The following LRP1B variants were observed in gnomAD, a reference collection of about 807,000 sequenced individuals.
LRP1B encodes the protein low-density lipoprotein receptor-related protein 1B.
LRP1B carries 217 observed loss-of-function variants against 556.6 expected under a neutral mutation model. The ratio of observed to expected loss-of-function variants is 0.39; its 90% confidence interval spans 0.35 to 0.44. LRP1B has a LOEUF of 0.44. LRP1B is among the 20% of genes least tolerant of loss of function. LRP1B has a pLI of 1.00. For missense variants in LRP1B, 5,053 were observed against 5,620.8 expected (o/e 0.90, Z 3.23); for synonymous variants, 2,047 against 1,865.8 (o/e 1.10, Z -2.50).
chr2:141,748,536 A>G (rs1248638286), intron 2 of LRP1B, among the ~76,000 whole-genome samples: 1 of 152,180 alleles, frequency 6.6e-6, no homozygotes. Flanking sequence ...ACAGCCAGAT[A>G]TAGATGGTCT....
intron 11 of LRP1B, among the ~76,000 whole-genome samples, chr2:141,023,740 A>G (rs1449916919): frequency 1.3e-5 from 2 of 152,014 alleles, no homozygotes; most frequent in Non-Finnish European, 2.9e-5. Context: ...AATGATCCAT[A>G]GATCTTGATG....
intron 25 of LRP1B, among the ~76,000 whole-genome samples, chr2:140,879,387 A>G (rs1693404720): frequency 6.6e-6 from 1 of 152,154 alleles, no homozygotes; most frequent in Non-Finnish European, 1.5e-5. Context: ...TGATCCCTTC[A>G]TTTCTTCATT....
At chr2:141,743,978 TATTTCA>T (rs1693819798) in intron 2 of LRP1B, among the ~76,000 whole-genome samples, 1 of 151,862 alleles carries the variant, frequency 6.6e-6, no homozygotes, top group African/African-American at 2.4e-5. Flanking sequence ...TATATTGTTT[TATTTCA>T]ATTTCATTTA....
intron 8 of LRP1B, among the ~76,000 whole-genome samples, chr2:141,061,503 G>C (rs969569315): frequency 2.6e-5 from 4 of 151,750 alleles, no homozygotes; most frequent in Non-Finnish European, 5.9e-5. Context: ...ATTCAGCAAA[G>C]TAAAAAGTAA....
intron 43 of LRP1B, among the ~76,000 whole-genome samples, chr2:140,555,046 C>T (rs1192407320): frequency 6.6e-6 from 1 of 151,822 alleles, no homozygotes; most frequent in South Asian, 2.1e-4. Flanking sequence ...ATAAATATTT[C>T]AATGATTTTA....
chr2:141,485,984 G>T (rs908267738), intron 2 of LRP1B, among the ~76,000 whole-genome samples: 3 of 152,108 alleles, frequency 2.0e-5, no homozygotes, highest in Non-Finnish European at 4.4e-5. Flanking sequence ...GGGGCGAGGT[G>T]ACCAGGTAGT....
At chr2:142,055,846 A>G (rs1231307923) in intron 1 of LRP1B, among the ~76,000 whole-genome samples, 2 of 152,016 alleles carry the variant, frequency 1.3e-5, no homozygotes, top group Admixed American at 6.6e-5. Context: ...CTATTTCTCT[A>G]TTTTTCAGAA....
At chr2:141,530,726 G>C (rs962304875) in intron 2 of LRP1B, among the ~76,000 whole-genome samples, 2 of 152,080 alleles carry the variant, frequency 1.3e-5, no homozygotes, top group Non-Finnish European at 2.9e-5. Context: ...CATCTGAATT[G>C]ATGCCCAAAA....
rs757383865 is a variant in LRP1B, at chr2:140,520,798, G to GA, written c.8027-3788dup. ...TTTGAAATCTAACACTAAGAAAACA[G>GA]AAAAAAAAAAAAAAAAGAAAATTCA... On this transcript the variant is annotated intron_variant, in intron 49 of 90. Coordinates refer to ENST00000389484, the MANE Select transcript of LRP1B (RefSeq NM_018557.3). Among the ~76,000 whole-genome samples, 753 of 86,436 alleles carry GA rather than the reference G, an allele frequency of 8.7e-3. 21 individuals carry two copies. The highest frequency in any genetic ancestry group is 0.027 in the Middle Eastern group (2 of 74). The allele number at this position is 86,436 out of a possible 152,430, so 56.7% of individuals were successfully genotyped here. A position where few individuals can be genotyped will look rare whatever the true frequency, so the allele number is the denominator to read the frequency against.
In LRP1B at chr2:140,444,322, T is replaced by C; in HGVS notation, c.10294+8A>G. On this transcript the variant is annotated splice_region_variant and intron_variant, in intron 65 of 90. Coordinates refer to ENST00000389484, the MANE Select transcript of LRP1B (RefSeq NM_018557.3). ...TAAGACAAGACAGAGTATTTTGAGG[T>C]GACTTACGACAGTCTCTTTCATCTT... 1 of 1,613,746 alleles carries C rather than the reference T, an allele frequency of 6.2e-7. No homozygotes were observed. The highest frequency in any genetic ancestry group is 1.7e-4 in the Middle Eastern group (1 of 6,050).
intron 5 of LRP1B, among the ~76,000 whole-genome samples, chr2:141,236,112 A>C (rs1683639111): frequency 6.6e-6 from 1 of 152,104 alleles, no homozygotes; most frequent in African/African-American, 2.4e-5. Flanking sequence ...AGGAAGTATA[A>C]ATTTCCCACT....
chr2:141,117,047 T>G (rs971434244), intron 7 of LRP1B, among the ~76,000 whole-genome samples: 4 of 152,074 alleles, frequency 2.6e-5, no homozygotes, highest in Admixed American at 2.0e-4. Flanking sequence ...TAATCATTTT[T>G]TCTAGATGTA....
intron 18 of LRP1B, among the ~76,000 whole-genome samples, chr2:140,962,972 C>T (rs942180425): frequency 3.3e-5 from 5 of 152,014 alleles, no homozygotes; most frequent in African/African-American, 1.2e-4. Context: ...TTTAAAAAAA[C>T]GCTGCAGGGA....
intron 1 of LRP1B, among the ~76,000 whole-genome samples, chr2:141,969,945 T>C (rs181609444): frequency 4.9e-4 from 74 of 151,750 alleles, no homozygotes; most frequent in Non-Finnish European, 8.9e-4. Context: ...CCAACACTTA[T>C]CTTTCATCTT....
At chr2:140,869,061 C>G (rs767010875) in intron 25 of LRP1B, among the ~76,000 whole-genome samples, 9 of 152,072 alleles carry the variant, frequency 5.9e-5, no homozygotes, top group Non-Finnish European at 8.8e-5. Flanking sequence ...TTGGTTATTT[C>G]TGAATGATGC....
rs1186458955 is a variant in LRP1B at position 141,920,895 on chromosome 2, C to T, written c.83-110494G>A. On this transcript the variant is annotated intron_variant, in intron 1 of 90. Transcript: ENST00000389484. ...CTAAACACTTGGTATTAGTCCTGTCCTTTTCTAAGAAAATTTTGCTCTTAA... is the reference window on the plus strand; with the variant it reads ...CTAAACACTTGGTATTAGTCCTGTCTTTTTCTAAGAAAATTTTGCTCTTAA... Among the ~76,000 whole-genome samples, 5 of 151,894 alleles carry T rather than the reference C, an allele frequency of 3.3e-5. No individual in the cohort carries two copies. In the East Asian group the frequency reaches 5.8e-4, roughly 18 times the overall value.
At chr2:141,140,086 C>T (rs530381578) in intron 7 of LRP1B, among the ~76,000 whole-genome samples, 180 of 151,916 alleles carry the variant, frequency 1.2e-3, no homozygotes, top group African/African-American at 3.9e-3. Context: ...AGAAGCCAGG[C>T]GAAAGAGTGT....
intron 2 of LRP1B, among the ~76,000 whole-genome samples, chr2:141,530,556 A>G (rs1684837520): frequency 6.6e-6 from 1 of 151,442 alleles, no homozygotes; most frequent in Non-Finnish European, 1.5e-5. Context: ...AAGTCAATGT[A>G]CCTATTCTCA....
At chr2:140,969,313 G>T (rs545345989) in intron 18 of LRP1B, among the ~76,000 whole-genome samples, 1 of 152,016 alleles carries the variant, frequency 6.6e-6, no homozygotes, top group Admixed American at 6.6e-5. Flanking sequence ...ATCTTTGTTG[G>T]TTTAAAGTCT....
Sources: allele counts gnomAD v4.1 joint callset (sites outside exome capture counted in the v4.1 genomes callset), GRCh38; gene constraint gnomAD v4.1.1; transcripts MANE v1.5; gene names NCBI Gene and HGNC (gene_info 2026-07-23, HGNC 2026-07-21).